Variants in OSBPL3 observed in about 807,000 individuals in gnomAD.
The protein encoded by OSBPL3 is oxysterol binding protein like 3.
A neutral mutation model predicts 120.1 loss-of-function variants in OSBPL3; 65 were observed. That is an observed-to-expected ratio of 0.54 (90% CI 0.44 to 0.67). The LOEUF (loss-of-function observed/expected upper bound fraction) is 0.67, where lower values mean the gene tolerates loss of function less well. Ranked by LOEUF, OSBPL3 falls within the 30% of genes least tolerant of loss-of-function variation. OSBPL3 has a pLI of 0.00. For synonymous variants in OSBPL3, 416 were observed against 402.6 expected (o/e 1.03, Z -0.40); for missense variants, 1,004 against 1,082.1 (o/e 0.93, Z 1.01).
At chr7:24,908,090 A>T (rs1808216497) in intron 1 of OSBPL3, among the ~76,000 whole-genome samples, 1 of 152,192 alleles carries the variant, frequency 6.6e-6, no homozygotes, top group Admixed American at 6.5e-5. Flanking sequence ...CACAAGAGAC[A>T]TCATTTCTCT....
At position 24,849,063 on chromosome 7, in the gene OSBPL3, AC is replaced by A; in HGVS notation, c.1266+5del. The A allele has an allele frequency of 6.2e-7, 1 of 1,605,608 alleles. No homozygotes were observed. The highest frequency in any genetic ancestry group is 8.5e-7 in the Non-Finnish European group (1 of 1,172,666). On this transcript the variant is annotated splice_donor_5th_base_variant and intron_variant, in intron 12 of 22. Coordinates refer to ENST00000313367, the MANE Select transcript of OSBPL3 (RefSeq NM_015550.4). This position sits in a 1 kb window ranked among gnomAD's most constrained non-coding sequence, Gnocchi z 5.4. ...GGAGACATTACCAGACGAGAAACCT[AC>A]CCACCTCTGCCAGATTGTCACCCGA... is the stretch of plus-strand genomic sequence containing the variant.
At chr7:24,895,124 A>G (rs1805948744) in intron 1 of OSBPL3, among the ~76,000 whole-genome samples, 2 of 152,198 alleles carry the variant, frequency 1.3e-5, no homozygotes, top group Admixed American at 6.5e-5. Flanking sequence ...CCTCATCAGG[A>G]ATTTGGTTAA....
intron 1 of OSBPL3, among the ~76,000 whole-genome samples, chr7:24,978,015 A>C (rs998173110): frequency 6.6e-6 from 1 of 152,284 alleles, no homozygotes; most frequent in African/African-American, 2.4e-5. Flanking sequence ...CTAAATGCCT[A>C]TTAACTAATG....
In OSBPL3 at chr7:24,830,161, G is replaced by C. The variant is rs1796192454; in HGVS notation, c.1884+607C>G. On this transcript the variant is annotated intron_variant, in intron 16 of 22. Coordinates refer to ENST00000313367, the MANE Select transcript of OSBPL3 (RefSeq NM_015550.4). This position sits in a 1 kb window ranked among gnomAD's most constrained non-coding sequence, Gnocchi z 4.4. ...TATGCTACTTCTATGGCAAGAGTGT[G>C]ATGGAACCTTAGGCTGCATGAGTAC... Among the ~76,000 whole-genome samples the C allele has an allele frequency of 1.3e-5, 2 of 152,190 alleles. No individual in the cohort carries two copies.
intron 1 of OSBPL3, among the ~76,000 whole-genome samples, chr7:24,962,114 C>T (rs1022622102): frequency 6.6e-6 from 1 of 151,662 alleles, no homozygotes; most frequent in African/African-American, 2.4e-5. Context: ...ACCAGCCTGG[C>T]CAACATGGTG....
At chr7:24,826,704 A>G (rs1042287281) in intron 16 of OSBPL3, among the ~76,000 whole-genome samples, 1 of 152,194 alleles carries the variant, frequency 6.6e-6, no homozygotes, top group African/African-American at 2.4e-5. Flanking sequence ...AAGATCATGA[A>G]TGCACGGAGC....
In OSBPL3 at chr7:24,922,845, G is replaced by T. The variant is rs951496917; in HGVS notation, c.-149-30224C>A. On this transcript the variant is annotated intron_variant, in intron 1 of 22. Coordinates refer to ENST00000313367, the MANE Select transcript of OSBPL3 (RefSeq NM_015550.4). This position sits in a 1 kb window ranked among gnomAD's most constrained non-coding sequence, Gnocchi z 4.3. ...GAAAGTGACAGACCACCCTCTCAGG[G>T]AGAACCACAGGGCTAATTCTGATTC... Among the ~76,000 whole-genome samples, 3 of 152,132 alleles carry T rather than the reference G, an allele frequency of 2.0e-5. No homozygotes were observed. The highest frequency in any genetic ancestry group is 4.4e-5 in the Non-Finnish European group (3 of 68,038).
In OSBPL3 at chr7:24,830,824, C is replaced by G; in HGVS notation, c.1828G>C (p.Gly610Arg). Residue 610 changes from glycine to arginine, a missense_variant, in exon 16 of 23, where the codon GGA (glycine) becomes CGA (arginine). Physicochemically the swap from Gly to Arg is moderately radical, Grantham distance 125. This residue lies in a region of OSBPL3 where 473 missense variants were observed against 568.0 expected (regional missense o/e 0.83). Transcript: ENST00000313367. This position sits in a 1 kb window ranked among gnomAD's most constrained non-coding sequence, Gnocchi z 4.4. ...TCCCGAATACATTCATATGTTTCTC[C>G]AAGAACCGGATTAAATGGCTTGCTT... ...AGSKPFNPVL[G>R]ETYECIREDK... 2 of 1,614,004 alleles carry G rather than the reference C, an allele frequency of 1.2e-6. No homozygotes were observed. Among genetic ancestry groups the G allele is most frequent in the Non-Finnish European group, 1.7e-6 (2 of 1,179,970 alleles).
chr7:24,850,380 C>T (rs964660754), intron 11 of OSBPL3, among the ~76,000 whole-genome samples: 3 of 152,244 alleles, frequency 2.0e-5, no homozygotes, highest in South Asian at 2.1e-4. Flanking sequence ...GACACTCACA[C>T]GATCAGCTCC....
rs116937611 is a variant in OSBPL3, at chr7:24,974,031, C to T, written c.-150+5855G>A. 3.7e-3 allele frequency among the ~76,000 whole-genome samples: 556 copies of T among 152,236 alleles called. 1 individual carries two copies. Among genetic ancestry groups the T allele is most frequent in the African/African-American group, 0.01 (422 of 41,550 alleles). ...TATTCAAAATATTATCATTTCAACA[C>T]GTGATGTTTAAAAATTGAGGTATTT... is the stretch of plus-strand genomic sequence containing the variant. On this transcript the variant is annotated intron_variant, in intron 1 of 22. Coordinates refer to ENST00000313367, the MANE Select transcript of OSBPL3 (RefSeq NM_015550.4).
At position 24,892,598 on chromosome 7, in the gene OSBPL3, G is replaced by T. The variant is rs1253912768; in HGVS notation, c.-126C>A. On this transcript the variant is annotated 5_prime_UTR_variant, in exon 2 of 23. Transcript: ENST00000313367. Reference sequence around the variant, plus strand: ...CCAAAGTATTTAAAAAACATTTTGGGTGGCCCAAAGGAAACCCTAAAACCT... The same window carrying T: ...CCAAAGTATTTAAAAAACATTTTGGTTGGCCCAAAGGAAACCCTAAAACCT... 3 of 1,416,266 alleles carry T rather than the reference G, an allele frequency of 2.1e-6. No individual in the cohort carries two copies. The highest frequency in any genetic ancestry group is 2.5e-5 in the Admixed American group (1 of 40,400). 87.7% of individuals were successfully genotyped at this position (1,416,266 alleles called of 1,614,324 possible).
chr7:24,971,921 C>A (rs1451588470), intron 1 of OSBPL3, among the ~76,000 whole-genome samples: 1 of 152,186 alleles, frequency 6.6e-6, no homozygotes, highest in Non-Finnish European at 1.5e-5. Context: ...TCAGTTAATT[C>A]TATATATGCC....
At chr7:24,839,623 T>C (rs1018085144) in intron 14 of OSBPL3, among the ~76,000 whole-genome samples, 1 of 152,110 alleles carries the variant, frequency 6.6e-6, no homozygotes, top group Non-Finnish European at 1.5e-5. Flanking sequence ...TCCTAAATTA[T>C]AAAAACCCCC....
At chr7:24,935,711 T>C (rs1812324835) in intron 1 of OSBPL3, among the ~76,000 whole-genome samples, 3 of 152,282 alleles carry the variant, frequency 2.0e-5, no homozygotes, top group African/African-American at 4.8e-5. Flanking sequence ...TTCTCACATG[T>C]GTCTCTATGT....
chr7:24,927,905 C>T (rs1347372075), intron 1 of OSBPL3, among the ~76,000 whole-genome samples: 2 of 152,016 alleles, frequency 1.3e-5, no homozygotes, highest in African/African-American at 2.4e-5. Context: ...GGTCTGTGTC[C>T]CTGCTCAAAT....
intron 2 of OSBPL3, among the ~76,000 whole-genome samples, chr7:24,886,839 C>T (rs2128324733): frequency 6.6e-6 from 1 of 152,248 alleles, no homozygotes; most frequent in African/African-American, 2.4e-5. Flanking sequence ...CTGTTCCATT[C>T]CTCTGTTCCT....
At position 24,918,762 on chromosome 7, in the gene OSBPL3, C is replaced by T. The variant is rs977114417; in HGVS notation, c.-149-26141G>A. 1.3e-5 allele frequency among the ~76,000 whole-genome samples: 2 copies of T among 152,066 alleles called. No homozygotes were observed. Among genetic ancestry groups the T allele is most frequent in the Non-Finnish European group, 2.9e-5 (2 of 67,994 alleles). ...CATAGACTAGAAAATTCAGTAATTCCAATTCCTATGATGACCCTGGAGAAA... is the reference window on the plus strand; with the variant it reads ...CATAGACTAGAAAATTCAGTAATTCTAATTCCTATGATGACCCTGGAGAAA... On this transcript the variant is annotated intron_variant, in intron 1 of 22. Transcript: ENST00000313367. The surrounding 1 kb of genome is among the most constrained non-coding windows in gnomAD (Gnocchi z 4.3).
Position 24,918,739 on chromosome 7 carries a change from T to C in OSBPL3, c.-149-26118A>G, listed in dbSNP as rs952935106. On this transcript the variant is annotated intron_variant, in intron 1 of 22. Coordinates refer to ENST00000313367, the MANE Select transcript of OSBPL3 (RefSeq NM_015550.4). The surrounding 1 kb of genome is among the most constrained non-coding windows in gnomAD (Gnocchi z 4.3). The stretch of plus-strand genomic sequence containing the variant: ...GAAACATTATACAAATATCACAGCA[T>C]AGACTAGAAAATTCAGTAATTCCAA... 3.3e-5 allele frequency among the ~76,000 whole-genome samples: 5 copies of C among 152,168 alleles called. No individual in the cohort carries two copies. The highest frequency in any genetic ancestry group is 6.5e-5 in the Admixed American group (1 of 15,282).
rs879212427 is a variant in OSBPL3 at position 24,802,861 on chromosome 7, T to C, written c.2567+1454A>G. Among the ~76,000 whole-genome samples the C allele has an allele frequency of 6.6e-6, 1 of 152,256 alleles. No homozygotes were observed. The highest frequency in any genetic ancestry group is 1.5e-5 in the Non-Finnish European group (1 of 68,048). On this transcript the variant is annotated intron_variant, in intron 22 of 22. Coordinates refer to ENST00000313367, the MANE Select transcript of OSBPL3 (RefSeq NM_015550.4). This position sits in a 1 kb window ranked among gnomAD's most constrained non-coding sequence, Gnocchi z 4.1. The stretch of plus-strand genomic sequence containing the variant: ...TGATCAGTCTGTTAATCTATCCATT[T>C]TTCTATTTCTTGCCTTTTTCAAAAA...
Sources: allele counts gnomAD v4.1 joint callset (sites outside exome capture counted in the v4.1 genomes callset), GRCh38; gene constraint gnomAD v4.1.1; regional missense constraint gnomAD v4.1.1; non-coding constraint Gnocchi (gnomAD v3.1); transcripts MANE v1.5; gene names NCBI Gene and HGNC (gene_info 2026-07-23, HGNC 2026-07-21).